The following FBXW8 variants were observed in gnomAD, a reference collection of about 807,000 sequenced individuals.
FBXW8 encodes the protein F-box/WD repeat-containing protein 8.
A neutral mutation model predicts 65.3 loss-of-function variants in FBXW8; 57 were observed. The observed-to-expected ratio is 0.87, with a 90% CI of 0.71 to 1.09. The LOEUF (loss-of-function observed/expected upper bound fraction) is 1.09, where lower values mean the gene tolerates loss of function less well. Among genes scored for constraint, FBXW8 ranks in the 50% least tolerant of loss-of-function variants. FBXW8 has a pLI of 0.00. For missense variants in FBXW8, 777 were observed against 814.8 expected (o/e 0.95, Z 0.57); for synonymous variants, 308 against 330.2 (o/e 0.93, Z 0.73).
At chr12:116,991,225 A>T (rs1375226043) in intron 7 of FBXW8, among the ~76,000 whole-genome samples, 1 of 152,228 alleles carries the variant, frequency 6.6e-6, no homozygotes, top group African/African-American at 2.4e-5. Flanking sequence ...TGTTTCTCCA[A>T]CAGGAATGCC....
rs536352665 is a variant in FBXW8 at position 117,024,301 on chromosome 12, C to G, written c.1522C>G (p.Leu508Val). The G allele has an allele frequency of 1.9e-6, 3 of 1,614,174 alleles. No individual in the cohort carries two copies. The Admixed American group carries it at 5.0e-5, about 27-fold the overall frequency. The change falls in exon 9 of 11, where the codon CTG becomes GTG. Residue 508 changes from leucine to valine, a missense_variant. Physicochemically the swap from Leu to Val is conservative, Grantham distance 32. Transcript: ENST00000652555. ...GTGGGATTATCGGATGAACCAGAAG[C>G]TGTGGGAGGTGTATTCCGGGTAAGG... The part of the protein sequence containing the change: ...SVWDYRMNQK[L>V]WEVYSGHPVQ...
chr12:117,001,987 G>A (rs1953533420), intron 7 of FBXW8, among the ~76,000 whole-genome samples: 1 of 152,192 alleles, frequency 6.6e-6, no homozygotes, highest in Non-Finnish European at 1.5e-5. Flanking sequence ...CGTGCTGAGA[G>A]AGAGAGATTG....
At chr12:116,970,445 C>T (rs1305856626) in intron 5 of FBXW8, among the ~76,000 whole-genome samples, 1 of 152,114 alleles carries the variant, frequency 6.6e-6, no homozygotes, top group African/African-American at 2.4e-5. Flanking sequence ...TGTGGCTGCC[C>T]TGGGCGGAGG....
At chr12:116,957,511 A>T (rs1483129762) in intron 4 of FBXW8, among the ~76,000 whole-genome samples, 1 of 152,196 alleles carries the variant, frequency 6.6e-6, no homozygotes, top group African/African-American at 2.4e-5. Flanking sequence ...GCTTAGTTTT[A>T]TATGTATGTG....
At chr12:116,969,229 G>A (rs1213549917) in intron 5 of FBXW8, among the ~76,000 whole-genome samples, 2 of 152,112 alleles carry the variant, frequency 1.3e-5, no homozygotes. Context: ...TCTTTGATTC[G>A]TTTCAAGTTC....
intron 7 of FBXW8, among the ~76,000 whole-genome samples, chr12:117,009,356 C>T (rs1953751122): frequency 6.6e-6 from 1 of 152,168 alleles, no homozygotes; most frequent in Non-Finnish European, 1.5e-5. Flanking sequence ...GTTGCCACTG[C>T]ACTCCAGCCT....
At chr12:116,923,721 T>TTA (rs1565898597) in intron 1 of FBXW8, among the ~76,000 whole-genome samples, 12 of 146,906 alleles carry the variant, frequency 8.2e-5, no homozygotes, top group African/African-American at 2.7e-4. Flanking sequence ...TTAATTAATT[T>TTA]ATTTATTTAT....
chr12:116,978,485 T>G (rs779092050), intron 5 of FBXW8: 1 of 152,274 alleles, frequency 6.6e-6, no homozygotes, highest in Non-Finnish European at 1.5e-5. Context: ...GATAGGCAAG[T>G]GTTTATTTAC....
chr12:116,915,879 C>A (rs1187650913), intron 1 of FBXW8, among the ~76,000 whole-genome samples: 1 of 151,960 alleles, frequency 6.6e-6, no homozygotes, highest in Non-Finnish European at 1.5e-5. Flanking sequence ...TTTTGAACTC[C>A]TGGCCTTGTG....
At chr12:116,977,359 T>C (rs1398682434) in intron 5 of FBXW8, 1 of 152,228 alleles carries the variant, frequency 6.6e-6, no homozygotes, top group African/African-American at 2.4e-5. Flanking sequence ...AGACACTTAG[T>C]CTGCAGTGTG....
At chr12:116,914,572 C>CAAAAA (rs142680270) in intron 1 of FBXW8, among the ~76,000 whole-genome samples, 5 of 83,660 alleles carry the variant, frequency 6.0e-5, no homozygotes, top group Admixed American at 1.4e-4. Context: ...AACCCTGTCT[C>CAAAAA]AAAAAAAAAA....
intron 5 of FBXW8, among the ~76,000 whole-genome samples, chr12:116,977,235 C>T (rs746226487): frequency 7.9e-5 from 12 of 152,036 alleles, no homozygotes; most frequent in Non-Finnish European, 1.3e-4. Flanking sequence ...TATTACTTTC[C>T]TTGAAAGGGA....
At chr12:116,919,527 G>A (rs774600432) in intron 1 of FBXW8, among the ~76,000 whole-genome samples, 2 of 152,150 alleles carry the variant, frequency 1.3e-5, no homozygotes, top group Non-Finnish European at 2.9e-5. Context: ...ATTATCGTTA[G>A]TACTCAGAGT....
chr12:116,939,624 T>C (rs1882415519), intron 2 of FBXW8, among the ~76,000 whole-genome samples: 1 of 152,354 alleles, frequency 6.6e-6, no homozygotes, highest in Middle Eastern at 3.4e-3. Flanking sequence ...TCATGACTTT[T>C]ACAAAATGTT....
intron 5 of FBXW8, among the ~76,000 whole-genome samples, chr12:116,967,249 G>A (rs1488005421): frequency 2.0e-5 from 3 of 151,124 alleles, no homozygotes; most frequent in Non-Finnish European, 4.4e-5. Flanking sequence ...TTTAATGCCT[G>A]TGTAGTACTG....
chr12:117,002,208 G>A (rs942309439), intron 7 of FBXW8, among the ~76,000 whole-genome samples: 1 of 152,244 alleles, frequency 6.6e-6, no homozygotes, highest in African/African-American at 2.4e-5. Flanking sequence ...AACAGCGGGG[G>A]TTGCAGGTGC....
At chr12:116,911,459 C>T (rs1047430612) in intron 1 of FBXW8, 104 bp downstream of exon 1, 25 of 809,706 alleles carry the variant, frequency 3.1e-5, no homozygotes, top group Non-Finnish European at 4.0e-5. Flanking sequence ...ACTAGTTGCC[C>T]GAGAAAATGA....
Position 116,910,986 on chromosome 12 carries a change from T to C in FBXW8, c.-52T>C, listed in dbSNP as rs989973473. On this transcript the variant is annotated 5_prime_UTR_variant, in exon 1 of 11. Transcript: ENST00000652555. ...GGACACTTCCCTGGGCGGGACTGTCTCGTGGCACCCGGTGGAACCGAGGAG... is the reference window on the plus strand; with the variant it reads ...GGACACTTCCCTGGGCGGGACTGTCCCGTGGCACCCGGTGGAACCGAGGAG... 36 of 1,340,914 alleles carry C rather than the reference T, an allele frequency of 2.7e-5. No individual in the cohort carries two copies. Among genetic ancestry groups the C allele is most frequent in the Non-Finnish European group, 3.1e-5 (33 of 1,050,470 alleles). 83.1% of individuals were successfully genotyped at this position (1,340,914 alleles called of 1,614,324 possible).
chr12:116,912,545 C>T (rs1428175251), intron 1 of FBXW8, among the ~76,000 whole-genome samples: 4 of 150,184 alleles, frequency 2.7e-5, no homozygotes, highest in Non-Finnish European at 4.4e-5. Flanking sequence ...CTGCAAGTTC[C>T]GCCTCCTAGG....
Sources: allele counts gnomAD v4.1 joint callset (sites outside exome capture counted in the v4.1 genomes callset), GRCh38; gene constraint gnomAD v4.1.1; transcripts MANE v1.5; gene names NCBI Gene and HGNC (gene_info 2026-07-23, HGNC 2026-07-21).